The following PTPRM variants were observed in gnomAD, a reference collection of about 807,000 sequenced individuals.
PTPRM encodes receptor-type tyrosine-protein phosphatase mu.
Under a neutral mutation model 186.7 loss-of-function variants are expected in PTPRM, and 47 were observed. That is an observed-to-expected ratio of 0.25 (90% CI 0.20 to 0.32). The LOEUF is 0.32. Among genes scored for constraint, PTPRM ranks in the 10% least tolerant of loss-of-function variants. The pLI is 1.00. For synonymous variants in PTPRM, 668 were observed against 674.9 expected (o/e 0.99, Z 0.16); for missense variants, 1,494 against 1,865.0 (o/e 0.80, Z 3.66).
At chr18:8,027,864 C>G (rs555318671) in intron 7 of PTPRM, among the ~76,000 whole-genome samples, 1 of 152,156 alleles carries the variant, frequency 6.6e-6, no homozygotes, top group Non-Finnish European at 1.5e-5. Context: ...TATCTGTTAG[C>G]GATTTCTTCC....
intron 2 of PTPRM, among the ~76,000 whole-genome samples, chr18:7,784,726 A>C (rs1018336150): frequency 1.3e-5 from 2 of 152,142 alleles, no homozygotes; most frequent in Non-Finnish European, 2.9e-5. Context: ...TAGTCTCTAC[A>C]TTTTTATTTT....
At chr18:8,074,482 G>T (rs941422126) in intron 8 of PTPRM, among the ~76,000 whole-genome samples, 5 of 152,186 alleles carry the variant, frequency 3.3e-5, no homozygotes, top group African/African-American at 9.7e-5. Context: ...GGCACTGCCG[G>T]AGTGTTTTCA....
At chr18:7,663,105 C>A (rs545350684) in intron 1 of PTPRM, among the ~76,000 whole-genome samples, 16 of 152,138 alleles carry the variant, frequency 1.1e-4, no homozygotes, top group Non-Finnish European at 1.8e-4. Flanking sequence ...AGTGACTGGT[C>A]AGGAGCAAGG....
intron 7 of PTPRM, among the ~76,000 whole-genome samples, chr18:8,001,362 C>T (rs1270358765): frequency 6.6e-6 from 1 of 152,126 alleles, no homozygotes; most frequent in African/African-American, 2.4e-5. Flanking sequence ...ACTGCCACCT[C>T]CTCAGTTTTG....
intron 14 of PTPRM, among the ~76,000 whole-genome samples, chr18:8,174,164 G>A (rs2146498417): frequency 6.6e-6 from 1 of 152,168 alleles, no homozygotes; most frequent in Non-Finnish European, 1.5e-5. Flanking sequence ...AATAATGGCT[G>A]GTAACCATTT....
intron 23 of PTPRM, among the ~76,000 whole-genome samples, chr18:8,353,921 G>A (rs1034226694): frequency 6.6e-6 from 1 of 152,132 alleles, no homozygotes; most frequent in Non-Finnish European, 1.5e-5. Flanking sequence ...ACAAAAAAGA[G>A]TATAATGCGG....
rs143793911 is a variant in PTPRM at position 7,603,163 on chromosome 18, C to T, written c.73+35272C>T. Among the ~76,000 whole-genome samples the T allele has an allele frequency of 2.4e-3, 363 of 152,082 alleles. 2 individuals carry two copies. The highest frequency in any genetic ancestry group is 8.4e-3 in the African/African-American group (350 of 41,490). On this transcript the variant is annotated intron_variant, in intron 1 of 32. Coordinates refer to ENST00000580170, the MANE Select transcript of PTPRM (RefSeq NM_001105244.2). ...TGGGATGGTCTCGATCTCCTGGCCT[C>T]GTGATCTGCCTGCCTTGGCCTCCCA...
At chr18:8,193,717 G>A (rs2093738359) in intron 14 of PTPRM, among the ~76,000 whole-genome samples, 1 of 152,196 alleles carries the variant, frequency 6.6e-6, no homozygotes, top group South Asian at 2.1e-4. Context: ...AGGGACCCAG[G>A]GCTTCCTGAG....
chr18:8,105,905 TAAGGAGTGATTATAGACTCG>T (rs1021174255), intron 11 of PTPRM, among the ~76,000 whole-genome samples: 5 of 152,230 alleles, frequency 3.3e-5, no homozygotes, highest in Admixed American at 6.5e-5. Context: ...CTTTGTAGCC[TAAGGAGTGATTATAGACTCG>T]ACAGAGAGTA....
At chr18:8,042,885 T>A (rs746739242) in intron 7 of PTPRM, among the ~76,000 whole-genome samples, 1 of 152,170 alleles carries the variant, frequency 6.6e-6, no homozygotes, top group Admixed American at 6.5e-5. Context: ...GGTCCAGGCC[T>A]CATGTACTCA....
chr18:8,084,630 CAGTGTT>C (rs769096091), intron 9 of PTPRM, among the ~76,000 whole-genome samples: 6 of 152,092 alleles, frequency 3.9e-5, no homozygotes, highest in Non-Finnish European at 8.8e-5. Context: ...CGTATAATAA[CAGTGTT>C]AGTGTTCATG....
At chr18:7,934,718 G>A (rs189046406) in intron 5 of PTPRM, among the ~76,000 whole-genome samples, 43 of 152,142 alleles carry the variant, frequency 2.8e-4, no homozygotes, top group African/African-American at 8.7e-4. Flanking sequence ...TTTATTATAC[G>A]TCCATTTATA....
At chr18:8,341,964 A>T (rs1261439142) in intron 22 of PTPRM, among the ~76,000 whole-genome samples, 2 of 152,200 alleles carry the variant, frequency 1.3e-5, no homozygotes, top group African/African-American at 4.8e-5. Flanking sequence ...TGGGAGGCAG[A>T]GTGCATGGTC....
intron 1 of PTPRM, among the ~76,000 whole-genome samples, chr18:7,644,069 T>C (rs534872553): frequency 5.3e-5 from 8 of 152,244 alleles, no homozygotes; most frequent in Admixed American, 5.2e-4. Context: ...AAAATAAGAG[T>C]ATTTTTCTCT....
intron 1 of PTPRM, among the ~76,000 whole-genome samples, chr18:7,730,666 A>G (rs564808070): frequency 1.3e-5 from 2 of 152,330 alleles, no homozygotes; most frequent in South Asian, 4.1e-4. Context: ...TTTCTATACC[A>G]GTGCCTCATA....
chr18:8,168,325 T>G (rs2093352075), intron 14 of PTPRM, among the ~76,000 whole-genome samples: 1 of 152,200 alleles, frequency 6.6e-6, no homozygotes, highest in African/African-American at 2.4e-5. Context: ...CAGACCACTT[T>G]ATAGCCAAAC....
chr18:8,172,194 T>C (rs4798610), intron 14 of PTPRM, among the ~76,000 whole-genome samples: 33,292 of 151,526 alleles, frequency 0.22, 4,150 homozygotes, highest in East Asian at 0.46. Flanking sequence ...CTCACAATTA[T>C]GGCGGAAGGT....
At chr18:8,331,430 A>G (rs1326419931) in intron 22 of PTPRM, among the ~76,000 whole-genome samples, 4 of 152,210 alleles carry the variant, frequency 2.6e-5, no homozygotes, top group African/African-American at 9.6e-5. Context: ...TAACTAGGCC[A>G]GGACTGTCCG....
At chr18:8,386,845 ACTGGCCTGTCATTTGT>A (rs1458335286) in intron 30 of PTPRM, among the ~76,000 whole-genome samples, 2 of 152,066 alleles carry the variant, frequency 1.3e-5, no homozygotes, top group African/African-American at 4.8e-5. Flanking sequence ...ATTCTGCCTC[ACTGGCCTGTCATTTGT>A]CTGGCCTGTC....
Sources: gnomAD v4.1 joint callset for allele counts (sites outside exome capture counted in the v4.1 genomes callset) on GRCh38, gnomAD v4.1.1 for gene constraint, MANE v1.5 for transcripts, NCBI Gene and HGNC (gene_info 2026-07-23, HGNC 2026-07-21) for gene names.